Variants in KCNC1 observed in about 807,000 individuals in gnomAD.
KCNC1 encodes the protein voltage-gated potassium channel KCNC1.
Under a neutral mutation model 43.4 loss-of-function variants are expected in KCNC1, and 8 were observed. That is an observed-to-expected ratio of 0.18 (90% CI 0.11 to 0.33). The LOEUF is 0.33. Ranked by LOEUF, KCNC1 falls within the 10% of genes least tolerant of loss-of-function variation. The pLI is 1.00. For missense variants in KCNC1, 420 were observed against 836.0 expected, an observed-to-expected ratio of 0.50 and a Z score of 6.14; for synonymous variants, 361 against 360.5, an observed-to-expected ratio of 1.00 and a Z score of -0.01.
At chr11:17,753,304 G>C (rs1261291014) in intron 1 of KCNC1, among the ~76,000 whole-genome samples, 2 of 152,248 alleles carry the variant, frequency 1.3e-5, no homozygotes, top group Non-Finnish European at 2.9e-5. Context: ...CAGTGGCCTA[G>C]CATAGCAGGT....
intron 2 of KCNC1, chr11:17,775,396 G>A: frequency 1.0e-6 from 1 of 985,560 alleles, no homozygotes; most frequent in Non-Finnish European, 1.2e-6. Flanking sequence ...GGACAATCTG[G>A]TCTCCTCCTG....
At chr11:17,753,903 C>T (rs1276973790) in intron 1 of KCNC1, among the ~76,000 whole-genome samples, 1 of 152,238 alleles carries the variant, frequency 6.6e-6, no homozygotes, top group Non-Finnish European at 1.5e-5. Context: ...AGTGCCAGTT[C>T]TGCCCCGTAG....
chr11:17,771,842 G>A lies in KCNC1; in HGVS notation c.748G>A (p.Gly250Ser). Residue 250 changes from glycine to serine, a missense_variant, in exon 2 of 4, where the codon GGC becomes AGC. This residue lies in a region of KCNC1 where 151 missense variants were observed against 216.7 expected (regional missense o/e 0.70). Transcript: ENST00000265969. The surrounding 1 kb of genome is among the most constrained non-coding windows in gnomAD (Gnocchi z 4.7). ...GGAGGCCTTCCTTACCTACATCGAG[G>A]GCGTCTGTGTGGTCTGGTTCACCTT... is the stretch of plus-strand genomic sequence containing the variant. Reference protein sequence around the residue: ...ETEAFLTYIEGVCVVWFTFEF... With the variant: ...ETEAFLTYIESVCVVWFTFEF... The A allele has an allele frequency of 6.2e-7, 1 of 1,614,194 alleles. No homozygotes were observed. Among genetic ancestry groups the A allele is most frequent in the Non-Finnish European group, 8.5e-7 (1 of 1,179,986 alleles).
chr11:17,750,753 T>G (rs993872542), intron 1 of KCNC1, among the ~76,000 whole-genome samples: 1 of 152,206 alleles, frequency 6.6e-6, no homozygotes, highest in African/African-American at 2.4e-5. Flanking sequence ...CCTCCTCCTC[T>G]GCATTTCTGA....
chr11:17,763,643 CA>C (rs1849106573), intron 1 of KCNC1, among the ~76,000 whole-genome samples: 3 of 128,062 alleles, frequency 2.3e-5, no homozygotes, highest in Non-Finnish European at 3.3e-5. Flanking sequence ...CACACACCCC[CA>C]CACCACACCA....
At chr11:17,757,300 G>C (rs1402172075) in intron 1 of KCNC1, among the ~76,000 whole-genome samples, 1 of 152,196 alleles carries the variant, frequency 6.6e-6, no homozygotes, top group African/African-American at 2.4e-5. Flanking sequence ...GGAAGCCCGA[G>C]GAAGCCTGGC....
rs553229487 is a variant in KCNC1, at chr11:17,752,793, G to T, written c.570+16221G>T. Among the ~76,000 whole-genome samples, 3 of 152,304 alleles carry T rather than the reference G, an allele frequency of 2.0e-5. No individual in the cohort carries two copies. In the East Asian group the frequency reaches 5.8e-4, roughly 29 times the overall value. ...CCACCTTGTGGACCAGTGGTGTAAAGGTAAATGAGATGGGGGCATGTCAGA... is the reference window on the plus strand; with the variant it reads ...CCACCTTGTGGACCAGTGGTGTAAATGTAAATGAGATGGGGGCATGTCAGA... On this transcript the variant is annotated intron_variant, in intron 1 of 3. Coordinates refer to ENST00000265969, the MANE Select transcript of KCNC1 (RefSeq NM_001112741.2).
At chr11:17,757,460 A>C (rs1849035238) in intron 1 of KCNC1, among the ~76,000 whole-genome samples, 1 of 152,238 alleles carries the variant, frequency 6.6e-6, no homozygotes, top group South Asian at 2.1e-4. Context: ...AGGTTGACTT[A>C]CATGAGAAAT....
At chr11:17,753,699 G>A (rs1317526418) in intron 1 of KCNC1, among the ~76,000 whole-genome samples, 3 of 152,068 alleles carry the variant, frequency 2.0e-5, no homozygotes, top group Admixed American at 6.5e-5. Context: ...AGGCCCCGGC[G>A]TGGGGGGTGG....
At chr11:17,766,591 C>G (rs1173233531) in intron 1 of KCNC1, among the ~76,000 whole-genome samples, 3 of 152,128 alleles carry the variant, frequency 2.0e-5, no homozygotes, top group Admixed American at 1.3e-4. Context: ...GTGTCCCCAC[C>G]CATGGGGCTG....
rs191837472 is a variant in KCNC1, at chr11:17,781,966, A to T, written c.*232A>T. 2.0e-3 allele frequency: 757 copies of T among 369,996 alleles called. 2 individuals carry two copies. The highest frequency in any genetic ancestry group is 0.017 in the East Asian group (365 of 21,710). The allele number at this position is 369,996 out of a possible 1,614,324, so 22.9% of individuals were successfully genotyped here. On this transcript the variant is annotated 3_prime_UTR_variant, in exon 4 of 4. Coordinates refer to ENST00000265969, the MANE Select transcript of KCNC1 (RefSeq NM_001112741.2). This position sits in a 1 kb window ranked among gnomAD's most constrained non-coding sequence, Gnocchi z 5.1. ...TTTTAAAATTTTATTTTATTTGGGG[A>T]GGGGGGGTGGAGGGGCTCCTTAGCA...
chr11:17,768,339 G>A (rs1038401398), intron 1 of KCNC1, among the ~76,000 whole-genome samples: 2 of 152,220 alleles, frequency 1.3e-5, no homozygotes, highest in African/African-American at 2.4e-5. Context: ...ACACTCTGTG[G>A]TCAGAAATGG....
At position 17,739,163 on chromosome 11, in the gene KCNC1, C is replaced by T. The variant is rs372936809; in HGVS notation, c.570+2591C>T. 2.0e-5 allele frequency among the ~76,000 whole-genome samples: 3 copies of T among 152,216 alleles called. No homozygotes were observed. Among genetic ancestry groups the T allele is most frequent in the African/African-American group, 7.2e-5 (3 of 41,444 alleles). ...CTGTCACCTTTGTTTACCCCTCCCC[C>T]ACACGGGGCCCCGAGACTCCTCACA... On this transcript the variant is annotated intron_variant, in intron 1 of 3. Coordinates refer to ENST00000265969, the MANE Select transcript of KCNC1 (RefSeq NM_001112741.2). The surrounding 1 kb of genome is among the most constrained non-coding windows in gnomAD (Gnocchi z 4.2).
chr11:17,760,976 G>A (rs377370393), intron 1 of KCNC1, among the ~76,000 whole-genome samples: 1 of 152,234 alleles, frequency 6.6e-6, no homozygotes, highest in East Asian at 1.9e-4. Flanking sequence ...AAAGTCGGCA[G>A]CTCTGGCTTG....
intron 1 of KCNC1, among the ~76,000 whole-genome samples, chr11:17,762,985 T>C (rs1300780005): frequency 6.6e-6 from 1 of 152,172 alleles, no homozygotes; most frequent in Non-Finnish European, 1.5e-5. Flanking sequence ...GCATTTTATA[T>C]GTTTCAACTT....
At chr11:17,765,276 C>T (rs1476884729) in intron 1 of KCNC1, among the ~76,000 whole-genome samples, 1 of 152,218 alleles carries the variant, frequency 6.6e-6, no homozygotes, top group African/African-American at 2.4e-5. Flanking sequence ...CACAGCTCCC[C>T]AAGGCGAACC....
Position 17,776,403 on chromosome 11 carries a change from C to T in KCNC1, c.1505-3053C>T, listed in dbSNP as rs1590108546. 17 of 985,312 alleles carry T rather than the reference C, an allele frequency of 1.7e-5. No homozygotes were observed. The highest frequency in any genetic ancestry group is 3.5e-5 in the African/African-American group (2 of 57,238). The allele number at this position is 985,312 out of a possible 1,614,324, so 61.0% of individuals were successfully genotyped here. On this transcript the variant is annotated intron_variant, in intron 2 of 3. Coordinates refer to ENST00000265969, the MANE Select transcript of KCNC1 (RefSeq NM_001112741.2). The surrounding 1 kb of genome is among the most constrained non-coding windows in gnomAD (Gnocchi z 4.4). ...CCCCAACCCACCCCAGCCCCGCGTG[C>T]GCCCCTCCGGTGCCCGCAGCTGGTG... is the stretch of plus-strand genomic sequence containing the variant.
At chr11:17,774,663 T>G in intron 2 of KCNC1, 2 of 985,498 alleles carry the variant, frequency 2.0e-6, no homozygotes, top group Non-Finnish European at 2.4e-6. Flanking sequence ...GAGAGCCACT[T>G]TGCCCTGGTC....
At position 17,776,908 on chromosome 11, in the gene KCNC1, G is replaced by C. The variant is rs193278029; in HGVS notation, c.1505-2548G>C. On this transcript the variant is annotated intron_variant, in intron 2 of 3. Coordinates refer to ENST00000265969, the MANE Select transcript of KCNC1 (RefSeq NM_001112741.2). This position sits in a 1 kb window ranked among gnomAD's most constrained non-coding sequence, Gnocchi z 4.4. Reference sequence around the variant, plus strand: ...CCATAGATAGACGAACAGCCCAGGGGCCTGGGCCCCTTCACAGAGCAAGAC... The same window carrying C: ...CCATAGATAGACGAACAGCCCAGGGCCCTGGGCCCCTTCACAGAGCAAGAC... 1.0e-6 allele frequency: 1 copy of C among 985,482 alleles called. No individual in the cohort carries two copies. The highest frequency in any genetic ancestry group is 5.2e-4 in the Middle Eastern group (1 of 1,914). The allele number at this position is 985,482 out of a possible 1,614,324, so 61.0% of individuals were successfully genotyped here.
Sources: gnomAD v4.1 joint callset for allele counts (sites outside exome capture counted in the v4.1 genomes callset) on GRCh38, gnomAD v4.1.1 for gene constraint, gnomAD v4.1.1 regional missense constraint, Gnocchi (gnomAD v3.1) non-coding constraint, MANE v1.5 for transcripts, NCBI Gene and HGNC (gene_info 2026-07-23, HGNC 2026-07-21) for gene names.